PLXNA4: variants seen among roughly 807,000 people sequenced by gnomAD.
PLXNA4 encodes plexin A4.
Under a neutral mutation model 191.8 loss-of-function variants are expected in PLXNA4, and 44 were observed. The observed-to-expected ratio is 0.23, with a 90% CI of 0.18 to 0.29. The LOEUF is 0.29. Among genes scored for constraint, PLXNA4 ranks in the 10% least tolerant of loss-of-function variants. The pLI, the probability that PLXNA4 is intolerant of heterozygous loss-of-function variation, is 1.00. For synonymous variants in PLXNA4, 1,082 were observed against 1,009.5 expected (o/e 1.07, Z -1.36); for missense variants, 1,800 against 2,488.8 (o/e 0.72, Z 5.89).
intron 2 of PLXNA4, among the ~76,000 whole-genome samples, chr7:132,500,995 G>A (rs1798226385): frequency 6.6e-6 from 1 of 152,180 alleles, no homozygotes; most frequent in Non-Finnish European, 1.5e-5. Context: ...GGAAGGCCCA[G>A]AAGTCCAGAT....
Position 132,475,660 on chromosome 7 carries a change from G to A in PLXNA4, c.1371+13632C>T, listed in dbSNP as rs535056194. ...GGCAGAGAGATTAAATTATCACTAA[G>A]CTAATTATGGGACTCACACTTAGGC... On this transcript the variant is annotated intron_variant, in intron 3 of 31. Coordinates refer to ENST00000321063, the MANE Select transcript of PLXNA4 (RefSeq NM_020911.2). 3.9e-5 allele frequency among the ~76,000 whole-genome samples: 6 copies of A among 152,174 alleles called. No homozygotes were observed. The East Asian group carries it at 9.7e-4, about 25-fold the overall frequency.
intron 7 of PLXNA4, among the ~76,000 whole-genome samples, chr7:132,227,103 C>G (rs927768193): frequency 3.9e-5 from 6 of 152,174 alleles, no homozygotes; most frequent in African/African-American, 1.4e-4. Context: ...TCAGTGGCCT[C>G]CTCCACTGAC....
upstream of PLXNA4, among the ~76,000 whole-genome samples, chr7:132,581,734 A>G (rs1802406408): frequency 6.6e-6 from 1 of 152,068 alleles, no homozygotes; most frequent in Non-Finnish European, 1.5e-5. Context: ...CCTCCTACAC[A>G]CACACACACA....
At chr7:132,355,171 C>T (rs1443532195) in intron 3 of PLXNA4, among the ~76,000 whole-genome samples, 1 of 152,146 alleles carries the variant, frequency 6.6e-6, no homozygotes, top group Non-Finnish European at 1.5e-5. Context: ...AGGAAGGCTG[C>T]TTAGACACTT....
At chr7:132,290,789 C>T (rs957807417) in intron 4 of PLXNA4, among the ~76,000 whole-genome samples, 2 of 152,158 alleles carry the variant, frequency 1.3e-5, no homozygotes, top group Admixed American at 6.5e-5. Context: ...TGACACTTAA[C>T]AGTGCACACT....
intron 2 of PLXNA4, among the ~76,000 whole-genome samples, chr7:132,613,732 T>C (rs988022254): frequency 1.3e-5 from 2 of 151,874 alleles, no homozygotes; most frequent in Non-Finnish European, 2.9e-5. Flanking sequence ...TATCTATACC[T>C]GAAATAAAAA....
intron 4 of PLXNA4, among the ~76,000 whole-genome samples, chr7:132,261,203 T>C (rs2116244255): frequency 6.6e-6 from 1 of 152,306 alleles, no homozygotes; most frequent in East Asian, 1.9e-4. Flanking sequence ...CTGCCACCAG[T>C]ACTGGGGCTG....
At chr7:132,514,838 TTC>T (rs1798876233) in intron 1 of PLXNA4, among the ~76,000 whole-genome samples, 1 of 151,970 alleles carries the variant, frequency 6.6e-6, no homozygotes, top group African/African-American at 2.4e-5. Flanking sequence ...ATCCTCTTGG[TTC>T]TGTTTTCTTT....
At chr7:132,337,015 G>T (rs1170420163) in intron 3 of PLXNA4, among the ~76,000 whole-genome samples, 1 of 152,220 alleles carries the variant, frequency 6.6e-6, no homozygotes, top group Non-Finnish European at 1.5e-5. Context: ...AACAAAAGCT[G>T]CCTCTCTCAA....
chr7:132,293,920 C>T (rs1800982849), intron 4 of PLXNA4, among the ~76,000 whole-genome samples: 1 of 152,192 alleles, frequency 6.6e-6, no homozygotes. Flanking sequence ...GAGCCCAGAT[C>T]CATTTAGTCA....
At chr7:132,333,989 T>A (rs916109366) in intron 3 of PLXNA4, among the ~76,000 whole-genome samples, 1 of 152,232 alleles carries the variant, frequency 6.6e-6, no homozygotes, top group Non-Finnish European at 1.5e-5. Context: ...AGCAGCATTT[T>A]GTACACATAT....
At chr7:132,470,469 GTT>G (rs1021939376) in intron 3 of PLXNA4, among the ~76,000 whole-genome samples, 7 of 152,222 alleles carry the variant, frequency 4.6e-5, no homozygotes, top group African/African-American at 1.7e-4. Flanking sequence ...TTTTGCAGAT[GTT>G]TTAGAGGAAT....
Position 132,194,190 on chromosome 7 carries a change from G to C in PLXNA4, c.2739-11C>G. The C allele has an allele frequency of 1.2e-6, 2 of 1,609,538 alleles. No individual in the cohort carries two copies. Among genetic ancestry groups the C allele is most frequent in the Admixed American group, 1.7e-5 (1 of 59,850 alleles). ...ATCTCACACACGATCCTGCAGGGAG[G>C]ATAGGAGAAATCCCATGGGTCACAG... On this transcript the variant is annotated splice_polypyrimidine_tract_variant and intron_variant, in intron 13 of 31. Transcript: ENST00000321063.
chr7:132,376,696 C>T (rs954476566), intron 3 of PLXNA4, among the ~76,000 whole-genome samples: 6 of 152,184 alleles, frequency 3.9e-5, no homozygotes, highest in Admixed American at 1.3e-4. Context: ...GTGGAGGCAG[C>T]GCCCACCACC....
chr7:132,537,792 A>G (rs1424119319), intron 1 of PLXNA4, among the ~76,000 whole-genome samples: 1 of 152,202 alleles, frequency 6.6e-6, no homozygotes. Context: ...GGAAATTCTT[A>G]AAAAAAGAAA....
intron 25 of PLXNA4, among the ~76,000 whole-genome samples, chr7:132,156,423 G>A (rs969128578): frequency 3.3e-5 from 5 of 152,186 alleles, no homozygotes; most frequent in African/African-American, 7.2e-5. Flanking sequence ...CAAGAGCCGG[G>A]AGGGTTGGGC....
intron 3 of PLXNA4, among the ~76,000 whole-genome samples, chr7:132,391,312 T>A (rs889130628): frequency 6.6e-6 from 1 of 152,186 alleles, no homozygotes; most frequent in African/African-American, 2.4e-5. Context: ...CTTCCCTTAC[T>A]CGATCTCCCC....
chr7:132,202,835 A>C lies in PLXNA4; in HGVS notation c.2397T>G (p.Val799=). The part of the protein sequence containing the change: ...FNIDNPAQNK[V]HLYKCGAMRE... ...GCATGGCTCCACACTTGTAGAGGTGAACTGCAGAGGGGAAGGGCAAGGACA... is the reference window on the plus strand; with the variant it reads ...GCATGGCTCCACACTTGTAGAGGTGCACTGCAGAGGGGAAGGGCAAGGACA... Residue 799 remains valine (V), a splice_region_variant and synonymous_variant, in exon 12 of 32, where the codon GTT becomes GTG. Transcript: ENST00000321063. 6.4e-7 allele frequency: 1 copy of C among 1,573,322 alleles called. No individual in the cohort carries two copies. Among genetic ancestry groups the C allele is most frequent in the Non-Finnish European group, 8.6e-7 (1 of 1,158,460 alleles).
At chr7:132,468,734 GCACACACACA>G (rs36218194) in intron 3 of PLXNA4, among the ~76,000 whole-genome samples, 1 of 145,190 alleles carries the variant, frequency 6.9e-6, no homozygotes, top group Non-Finnish European at 1.5e-5. Flanking sequence ...ATATGCACAC[GCACACACACA>G]CACACACACA....
Sources: gnomAD v4.1 joint callset for allele counts (sites outside exome capture counted in the v4.1 genomes callset) on GRCh38, gnomAD v4.1.1 for gene constraint, MANE v1.5 for transcripts, NCBI Gene and HGNC (gene_info 2026-07-23, HGNC 2026-07-21) for gene names.